The following EP400 variants were observed in gnomAD, a reference collection of about 807,000 sequenced individuals.
EP400 encodes E1A binding protein p400, also known as E1A-binding protein p400.
In EP400, 105 loss-of-function variants were observed where a neutral mutation model predicts 354.1. That is an observed-to-expected ratio of 0.30 (90% confidence interval 0.25 to 0.35). EP400 has a LOEUF of 0.35. Among genes scored for constraint, EP400 ranks in the 10% least tolerant of loss-of-function variants. The pLI is 1.00. For synonymous variants in EP400, 1,646 were observed against 1,716.9 expected (o/e 0.96, Z 1.02); for missense variants, 3,280 against 4,121.0 (o/e 0.80, Z 5.59).
intron 4 of EP400, 120 bp from the exon 5 acceptor site, chr12:131,981,973 C>T (rs1287032321): frequency 1.2e-5 from 16 of 1,312,208 alleles, no homozygotes; most frequent in Admixed American, 2.3e-5. Flanking sequence ...GCCAACTTCT[C>T]GTGTGAGTGT....
In EP400 at chr12:132,020,136, C is replaced by A; in HGVS notation, c.4365C>A (p.Pro1455=). The change falls in exon 22 of 53, where the codon CCC becomes CCA. Residue 1455 remains proline (P), a synonymous_variant. Transcript: ENST00000389561. The part of the protein sequence containing the change: ...PSTHPPRTAA[P]TTASAAPQGP... Reference sequence around the variant, plus strand: ...CTCACCCGCCCCGGACGGCAGCCCCCACCACGGCCTCTGCTGCTCCACAGG... The same window carrying A: ...CTCACCCGCCCCGGACGGCAGCCCCAACCACGGCCTCTGCTGCTCCACAGG... 1.2e-6 allele frequency: 2 copies of A among 1,611,984 alleles called. No individual in the cohort carries two copies. The highest frequency in any genetic ancestry group is 1.7e-4 in the Middle Eastern group (1 of 6,056).
At chr12:132,071,628 C>T (rs371595155) in intron 51 of EP400, among the ~76,000 whole-genome samples, 1 of 152,184 alleles carries the variant, frequency 6.6e-6, no homozygotes, top group Non-Finnish European at 1.5e-5. Context: ...TCTCCTGCTT[C>T]CTTTTTGCCA....
In EP400 at chr12:132,067,396, G is replaced by A. The variant is rs1239401333; in HGVS notation, c.8784G>A (p.Gln2928=). ...QTVVAQPVHM[Q]QLLKLKQQAV... ...TGGTGGCCCAGCCCGTGCACATGCAGCAGCTGCTGAAGCTGAAGCAGCAGG... is the reference window on the plus strand; with the variant it reads ...TGGTGGCCCAGCCCGTGCACATGCAACAGCTGCTGAAGCTGAAGCAGCAGG... The change falls in exon 50 of 53, where the codon CAG becomes CAA. Residue 2928 remains glutamine (Q), a synonymous_variant. Coordinates refer to ENST00000389561, the MANE Select transcript of EP400 (RefSeq NM_015409.5). The surrounding 1 kb of genome is among the most constrained non-coding windows in gnomAD (Gnocchi z 5.3). The A allele has an allele frequency of 6.2e-7, 1 of 1,613,462 alleles. No individual in the cohort carries two copies. The highest frequency in any genetic ancestry group is 2.2e-5 in the East Asian group (1 of 44,884).
Position 132,013,800 on chromosome 12 carries a change from G to A in EP400, c.3810G>A (p.Arg1270=), listed in dbSNP as rs1247054200. 1.9e-6 allele frequency: 3 copies of A among 1,613,676 alleles called. No homozygotes were observed. Among genetic ancestry groups the A allele is most frequent in the South Asian group, 2.2e-5 (2 of 90,862 alleles). ...LHRVTQPFIL[R]RTKRDVEKQL... is the part of the protein sequence containing the mutation. ...AGGTGACACAGCCATTTATTTTGAG[G>A]AGAACTAAGAGAGATGTGGAAAAGC... The change falls in exon 19 of 53, where the codon AGG becomes AGA. Residue 1270 remains arginine (R), a synonymous_variant. Coordinates refer to ENST00000389561, the MANE Select transcript of EP400 (RefSeq NM_015409.5). The surrounding 1 kb of genome is among the most constrained non-coding windows in gnomAD (Gnocchi z 4.5).
chr12:131,984,378 T>C (rs1892784033), intron 5 of EP400, among the ~76,000 whole-genome samples: 1 of 152,174 alleles, frequency 6.6e-6, no homozygotes, highest in African/African-American at 2.4e-5. Flanking sequence ...GTAGAATCTT[T>C]ACTATCTCCA....
intron 15 of EP400, among the ~76,000 whole-genome samples, chr12:132,008,531 G>A (rs1893659818): frequency 6.6e-6 from 1 of 152,004 alleles, no homozygotes; most frequent in African/African-American, 2.4e-5. Flanking sequence ...TTATTATTTG[G>A]GTTAAAAGAG....
intron 2 of EP400, among the ~76,000 whole-genome samples, chr12:131,969,573 C>T (rs1441882872): frequency 1.3e-5 from 2 of 152,146 alleles, no homozygotes; most frequent in Non-Finnish European, 2.9e-5. Context: ...ACCTCTCTTA[C>T]TTCCGGAGGA....
rs1352683997 is a variant in EP400 at position 132,038,240 on chromosome 12, C to G, written c.6207+144C>G. 9.8e-7 allele frequency: 1 copy of G among 1,021,514 alleles called. No homozygotes were observed. The highest frequency in any genetic ancestry group is 1.6e-5 in the African/African-American group (1 of 61,648). 63.3% of individuals were successfully genotyped at this position (1,021,514 alleles called of 1,614,324 possible). On this transcript the variant is annotated intron_variant, in intron 32 of 52. Transcript: ENST00000389561. The surrounding 1 kb of genome is among the most constrained non-coding windows in gnomAD (Gnocchi z 4.2). ...CCCGTCCCTGCTTTTGGAACCTCCC[C>G]ACTCCCTTCTTTCTGTCATGGGGAT...
intron 2 of EP400, among the ~76,000 whole-genome samples, chr12:131,964,428 C>G (rs990787163): frequency 3.3e-5 from 5 of 152,180 alleles, no homozygotes; most frequent in African/African-American, 1.2e-4. Context: ...GATTGTGTCA[C>G]TGCACTCCAG....
chr12:132,079,635 G>T lies in EP400; in HGVS notation c.*1962G>T, dbSNP rs1053833626. 2.0e-5 allele frequency: 3 copies of T among 152,330 alleles called. No individual in the cohort carries two copies. The highest frequency in any genetic ancestry group is 3.4e-3 in the Middle Eastern group (1 of 294). 9.4% of individuals were successfully genotyped at this position (152,330 alleles called of 1,614,324 possible). On this transcript the variant is annotated 3_prime_UTR_variant, in exon 53 of 53. Coordinates refer to ENST00000389561, the MANE Select transcript of EP400 (RefSeq NM_015409.5). ...TAGACATAACTGTCTAAGTAAAAGCGCTCTATTAATCTAAAACACTACAAG... is the reference window on the plus strand; with the variant it reads ...TAGACATAACTGTCTAAGTAAAAGCTCTCTATTAATCTAAAACACTACAAG...
rs370384981 is a variant in EP400, at chr12:132,069,175, C to T, written c.8875-320C>T. 1.2e-5 allele frequency: 4 copies of T among 329,372 alleles called. No individual in the cohort carries two copies. In the Admixed American group the frequency reaches 1.8e-4, roughly 15 times the overall value. The allele number at this position is 329,372 out of a possible 1,614,324, so 20.4% of individuals were successfully genotyped here. On this transcript the variant is annotated intron_variant, in intron 50 of 52. Transcript: ENST00000389561. ...CTTTCAGTCACCTAAGTAGCAGCCCCGTGCAGGTGTGACAAGGGTGTCAGG... is the reference window on the plus strand; with the variant it reads ...CTTTCAGTCACCTAAGTAGCAGCCCTGTGCAGGTGTGACAAGGGTGTCAGG...
At chr12:131,973,666 G>A (rs986796018) in intron 2 of EP400, among the ~76,000 whole-genome samples, 17 of 152,144 alleles carry the variant, frequency 1.1e-4, no homozygotes, top group African/African-American at 3.4e-4. Context: ...CAGAGTTTCA[G>A]GATGAGTTTT....
intron 1 of EP400, among the ~76,000 whole-genome samples, chr12:131,950,930 C>T (rs1164397209): frequency 6.6e-6 from 1 of 152,080 alleles, no homozygotes; most frequent in African/African-American, 2.4e-5. Context: ...GAAAGAGTCT[C>T]TCTCTGTCAC....
At chr12:131,978,801 C>T (rs1305346661) in intron 2 of EP400, among the ~76,000 whole-genome samples, 3 of 152,194 alleles carry the variant, frequency 2.0e-5, no homozygotes, top group East Asian at 3.8e-4. Flanking sequence ...CATAAGCCAC[C>T]ACACCTGGTG....
intron 19 of EP400, among the ~76,000 whole-genome samples, chr12:132,016,659 A>C (rs1298751859): frequency 6.6e-6 from 1 of 152,178 alleles, no homozygotes; most frequent in Non-Finnish European, 1.5e-5. Flanking sequence ...GGCATGAGCC[A>C]CCGCACCCGG....
At position 132,032,142 on chromosome 12, in the gene EP400, A is replaced by G. The variant is rs1169297135; in HGVS notation, c.5944A>G (p.Ile1982Val). 2.5e-6 allele frequency: 4 copies of G among 1,613,010 alleles called. No homozygotes were observed. The highest frequency in any genetic ancestry group is 3.3e-5 in the Admixed American group (2 of 59,950). Residue 1982 changes from isoleucine (I) to valine (V), a missense_variant, in exon 30 of 53, where the codon ATA (isoleucine) becomes GTA (valine). By Grantham distance (29) the Ile-to-Val change is conservative (BLOSUM62 3). Transcript: ENST00000389561. Reference sequence around the variant, plus strand: ...GATCGGGAGATGCAAAGACATCCACATATACAGGTGAGGGCCTGCGGGGGA... The same window carrying G: ...GATCGGGAGATGCAAAGACATCCACGTATACAGGTGAGGGCCTGCGGGGGA... Reference protein sequence around the residue: ...DRIGRCKDIHIYRLVSGNSIE... With the variant: ...DRIGRCKDIHVYRLVSGNSIE...
In EP400 at chr12:132,017,091, G is replaced by A. The variant is rs1893966272; in HGVS notation, c.3924-444G>A. ...GTCTGCCCCCTTCACTGGGTGGTAA[G>A]CCGCACAGGGCATGGACCTGGGTCC... On this transcript the variant is annotated intron_variant, in intron 19 of 52. Transcript: ENST00000389561. This position sits in a 1 kb window ranked among gnomAD's most constrained non-coding sequence, Gnocchi z 5.0. 6.6e-6 allele frequency among the ~76,000 whole-genome samples: 1 copy of A among 152,230 alleles called. No individual in the cohort carries two copies. The highest frequency in any genetic ancestry group is 2.1e-4 in the South Asian group (1 of 4,836).
chr12:132,027,890 C>G lies in EP400; in HGVS notation c.5110-127C>G. The G allele has an allele frequency of 2.0e-6, 2 of 1,015,100 alleles. No homozygotes were observed. Among genetic ancestry groups the G allele is most frequent in the Non-Finnish European group, 2.9e-6 (2 of 698,272 alleles). 62.9% of individuals were successfully genotyped at this position (1,015,100 alleles called of 1,614,324 possible). On this transcript the variant is annotated intron_variant, in intron 26 of 52. Transcript: ENST00000389561. This position sits in a 1 kb window ranked among gnomAD's most constrained non-coding sequence, Gnocchi z 4.9. ...TCATTTCTATCTCTATTTCCTGTAA[C>G]ACAAGACCGGGGATATTGAAGTGGA...
chr12:131,958,358 C>T (rs1384084030), intron 1 of EP400, among the ~76,000 whole-genome samples: 1 of 152,174 alleles, frequency 6.6e-6, no homozygotes, highest in Non-Finnish European at 1.5e-5. Context: ...TTGTTGCAGC[C>T]TGCGTGCTGT....
Sources: allele counts gnomAD v4.1 joint callset (sites outside exome capture counted in the v4.1 genomes callset), GRCh38; gene constraint gnomAD v4.1.1; non-coding constraint Gnocchi (gnomAD v3.1); transcripts MANE v1.5; gene names NCBI Gene and HGNC (gene_info 2026-07-23, HGNC 2026-07-21).